Variants in CSMD1 observed in about 807,000 individuals in gnomAD.
The protein encoded by CSMD1 is CUB and sushi domain-containing protein 1.
A neutral mutation model predicts 417.5 loss-of-function variants in CSMD1; 213 were observed. The observed-to-expected ratio is 0.51, with a 90% CI of 0.46 to 0.57. The LOEUF is 0.57. CSMD1 is among the 20% of genes least tolerant of loss of function. The pLI, the probability that CSMD1 is intolerant of heterozygous loss-of-function variation, is 0.00. For missense variants in CSMD1, 6,923 were observed against 4,529.7 expected, an observed-to-expected ratio of 1.53 and a Z score of -15.17; for synonymous variants, 2,862 against 1,736.8, an observed-to-expected ratio of 1.65 and a Z score of -16.11.
At chr8:4,564,519 G>C (rs1023107135) in intron 2 of CSMD1, among the ~76,000 whole-genome samples, 2 of 152,132 alleles carry the variant, frequency 1.3e-5, no homozygotes, top group African/African-American at 4.8e-5. Flanking sequence ...TATTATAATT[G>C]TGACTCGATG....
chr8:4,159,088 G>T (rs1006155331), intron 3 of CSMD1, among the ~76,000 whole-genome samples: 1 of 151,926 alleles, frequency 6.6e-6, no homozygotes, highest in African/African-American at 2.4e-5. Context: ...GCTAATTTTT[G>T]TATTTTTAGT....
At chr8:4,041,076 G>T (rs1407962022) in intron 3 of CSMD1, among the ~76,000 whole-genome samples, 3 of 144,194 alleles carry the variant, frequency 2.1e-5, no homozygotes, top group African/African-American at 5.2e-5. Context: ...GAGTGCAGTG[G>T]CGCGATCTCG....
chr8:3,033,111 A>T (rs577322349), intron 50 of CSMD1, among the ~76,000 whole-genome samples: 398 of 152,078 alleles, frequency 2.6e-3, no homozygotes, highest in African/African-American at 9.1e-3. Flanking sequence ...CTATAAAAAA[A>T]ATTTAAAGAT....
At chr8:3,222,047 T>C (rs868195599) in intron 28 of CSMD1, among the ~76,000 whole-genome samples, 1 of 152,092 alleles carries the variant, frequency 6.6e-6, no homozygotes, top group Middle Eastern at 3.2e-3. Context: ...ACTTCCCAGG[T>C]AGATGTCTGC....
intron 7 of CSMD1, among the ~76,000 whole-genome samples, chr8:3,678,381 G>C (rs186190205): frequency 4.1e-4 from 63 of 152,288 alleles, no homozygotes; most frequent in Non-Finnish European, 8.2e-4. Flanking sequence ...CGGGAACTAC[G>C]TGATGAATGC....
chr8:3,787,778 A>T (rs1799527946), intron 5 of CSMD1, among the ~76,000 whole-genome samples: 1 of 152,248 alleles, frequency 6.6e-6, no homozygotes, highest in Non-Finnish European at 1.5e-5. Context: ...AATACAAGCT[A>T]GGAACTGGCA....
chr8:3,549,324 G>T (rs1206725612), intron 10 of CSMD1, among the ~76,000 whole-genome samples: 1 of 152,194 alleles, frequency 6.6e-6, no homozygotes, highest in Middle Eastern at 3.2e-3. Flanking sequence ...CCCTTTACAG[G>T]CAAGCTCACC....
At chr8:3,076,722 G>T (rs1813711601) in intron 49 of CSMD1, among the ~76,000 whole-genome samples, 2 of 152,312 alleles carry the variant, frequency 1.3e-5, no homozygotes, top group African/African-American at 2.4e-5. Context: ...TGAGATGGTT[G>T]AGCCAAATTC....
intron 8 of CSMD1, among the ~76,000 whole-genome samples, chr8:3,594,253 A>C (rs11774830): frequency 6.6e-6 from 1 of 151,952 alleles, no homozygotes; most frequent in South Asian, 2.1e-4. Context: ...TGCTAGTGTA[A>C]GAGATACTTC....
chr8:3,893,887 G>C (rs773327560), intron 5 of CSMD1, among the ~76,000 whole-genome samples: 3 of 152,036 alleles, frequency 2.0e-5, no homozygotes, highest in Admixed American at 1.3e-4. Flanking sequence ...GGAGATTTAA[G>C]ATGTTAATGA....
At chr8:3,789,235 A>C (rs894515107) in intron 5 of CSMD1, among the ~76,000 whole-genome samples, 3 of 152,224 alleles carry the variant, frequency 2.0e-5, no homozygotes, top group African/African-American at 7.2e-5. Flanking sequence ...CTCACCAGAC[A>C]CAAAATATGC....
At chr8:4,817,869 G>C (rs775158285) in intron 1 of CSMD1, among the ~76,000 whole-genome samples, 2 of 152,148 alleles carry the variant, frequency 1.3e-5, no homozygotes, top group Non-Finnish European at 2.9e-5. Flanking sequence ...TTAATGATAT[G>C]ATAGAGTTTC....
intron 3 of CSMD1, among the ~76,000 whole-genome samples, chr8:4,045,425 C>T (rs941633139): frequency 7.9e-5 from 12 of 152,176 alleles, no homozygotes; most frequent in African/African-American, 2.9e-4. Flanking sequence ...GTGGCCACAG[C>T]AGTAGAAATG....
At chr8:4,634,917 G>T (rs887833564) in intron 2 of CSMD1, among the ~76,000 whole-genome samples, 3 of 152,042 alleles carry the variant, frequency 2.0e-5, no homozygotes, top group African/African-American at 7.2e-5. Context: ...TTTCCGATTT[G>T]TATTACAGTA....
chr8:4,230,759 A>G (rs555385961), intron 3 of CSMD1, among the ~76,000 whole-genome samples: 4 of 151,954 alleles, frequency 2.6e-5, no homozygotes, highest in Non-Finnish European at 5.9e-5. Flanking sequence ...AATAAATTCT[A>G]TCAGTTTTTT....
At chr8:4,851,677 C>T (rs573567955) in intron 1 of CSMD1, among the ~76,000 whole-genome samples, 2 of 152,150 alleles carry the variant, frequency 1.3e-5, no homozygotes, top group African/African-American at 4.8e-5. Context: ...CCTCTCCTCA[C>T]TAAGAGTCCC....
intron 49 of CSMD1, among the ~76,000 whole-genome samples, chr8:3,083,126 AT>A (rs1220340350): frequency 6.6e-6 from 1 of 152,098 alleles, no homozygotes; most frequent in African/African-American, 2.4e-5. Flanking sequence ...ATAATTATGA[AT>A]TGTCAGCAAT....
intron 10 of CSMD1, among the ~76,000 whole-genome samples, chr8:3,551,028 G>C (rs887672793): frequency 6.6e-6 from 1 of 152,142 alleles, no homozygotes; most frequent in African/African-American, 2.4e-5. Context: ...GTCAGGATCA[G>C]CCTAAATCTA....
At chr8:3,365,954 C>G (rs1262622310) in intron 20 of CSMD1, among the ~76,000 whole-genome samples, 1 of 152,158 alleles carries the variant, frequency 6.6e-6, no homozygotes, top group African/African-American at 2.4e-5. Flanking sequence ...CTACCAAGAT[C>G]TTCAGTTTTG....
Sources: gnomAD v4.1 joint callset for allele counts (sites outside exome capture counted in the v4.1 genomes callset) on GRCh38, gnomAD v4.1.1 for gene constraint, MANE v1.5 for transcripts, NCBI Gene and HGNC (gene_info 2026-07-23, HGNC 2026-07-21) for gene names.